Variants in RNF135 observed in about 807,000 individuals in gnomAD.
RNF135 encodes the protein E3 ubiquitin-protein ligase RNF135.
Under a neutral mutation model 41.9 loss-of-function variants are expected in RNF135, and 46 were observed. The observed-to-expected ratio is 1.10, with a 90% CI of 0.87 to 1.40. The LOEUF is 1.40. RNF135 is among the 40% of genes most tolerant of loss of function. RNF135 has a pLI of 0.00. For synonymous variants in RNF135, 238 were observed against 223.8 expected (o/e 1.06, Z -0.57); for missense variants, 539 against 549.8 (o/e 0.98, Z 0.20).
chr17:30,960,003 G>T, the RNF135 span, among the ~76,000 whole-genome samples: 3 of 146,096 alleles, frequency 2.1e-5, no homozygotes, highest in African/African-American at 7.6e-5. Context: ...AAAAAAAAAA[G>T]AAAAAGAAAA....
chr17:30,971,687 A>G lies in RNF135; in HGVS notation c.372+242A>G, dbSNP rs1055372230. 3.8e-6 allele frequency: 5 copies of G among 1,331,502 alleles called. No individual in the cohort carries two copies. In the African/African-American group the frequency reaches 6.2e-5, roughly 17 times the overall value. 82.5% of individuals were successfully genotyped at this position (1,331,502 alleles called of 1,614,324 possible). On this transcript the variant is annotated intron_variant, in intron 1 of 4. Transcript: ENST00000328381. ...CAACTTAGCTGTTACACAGCTTGGC[A>G]TATTTCAACTTCTTCCCAATCGATC...
upstream of RNF135, among the ~76,000 whole-genome samples, chr17:30,966,029 T>C (rs78109840): frequency 8.9e-4 from 136 of 152,358 alleles, 1 homozygote; most frequent in African/African-American, 3.0e-3. Flanking sequence ...TAAGGGATTA[T>C]AGAAATTGTG....
chr17:30,970,906 T>C (rs781391073), upstream of RNF135: 1 of 961,566 alleles, frequency 1.0e-6, no homozygotes, highest in Non-Finnish European at 1.5e-6. Flanking sequence ...AGGCTCTAAG[T>C]CTGTTTTCAG....
chr17:30,965,177 T>C, the RNF135 span: 1 of 151,958 alleles, frequency 6.6e-6, no homozygotes, highest in Non-Finnish European at 1.5e-5. Flanking sequence ...CGGTAAAACC[T>C]GGCCTCTATA....
At chr17:30,966,579 C>T (rs1421176370), upstream of RNF135, among the ~76,000 whole-genome samples, 1 of 151,242 alleles carries the variant, frequency 6.6e-6, no homozygotes, top group Non-Finnish European at 1.5e-5. Context: ...ACTGCAGGCT[C>T]TGCCTCCCAG....
At chr17:30,976,382 C>T (rs1034126261) in intron 1 of RNF135, among the ~76,000 whole-genome samples, 1 of 152,140 alleles carries the variant, frequency 6.6e-6, no homozygotes, top group Non-Finnish European at 1.5e-5. Context: ...TGTGACCTAT[C>T]CTTGAGAATG....
chr17:30,971,472 C>T, intron 1 of RNF135, 27 bp downstream of exon 1: 1 of 1,476,284 alleles, frequency 6.8e-7, no homozygotes, highest in Non-Finnish European at 8.9e-7. Flanking sequence ...CGCAGCTCCC[C>T]TGGCTCCCCC....
the RNF135 span, among the ~76,000 whole-genome samples, chr17:30,962,997 C>T: frequency 2.0e-3 from 301 of 151,370 alleles, no homozygotes; most frequent in Non-Finnish European, 3.5e-3. Flanking sequence ...GGTTCTAATA[C>T]GCATTTCCCT....
At chr17:30,979,963 G>A (rs1325891994) in intron 1 of RNF135, among the ~76,000 whole-genome samples, 6 of 107,352 alleles carry the variant, frequency 5.6e-5, no homozygotes, top group African/African-American at 1.2e-4. Context: ...CCTCCCGGAC[G>A]GGGCGGCTGG....
chr17:30,999,069 G>A lies in RNF135; in HGVS notation c.1177G>A (p.Asp393Asn). The A allele has an allele frequency of 6.2e-7, 1 of 1,614,168 alleles. No homozygotes were observed. The part of the protein sequence containing the change: ...EEGKLAFYSV[D>N]NQEKLLYECT... ...GGGAAAGCTTGCCTTCTATTCAGTG[G>A]ACAATCAGGAGAAGCTTCTGTATGA... is the stretch of plus-strand genomic sequence containing the variant. The change falls in exon 5 of 5, where the codon GAC (aspartate) becomes AAC (asparagine). Residue 393 changes from aspartate to asparagine, a missense_variant. By Grantham distance (23) the Asp-to-Asn change is conservative. Coordinates refer to ENST00000328381, the MANE Select transcript of RNF135 (RefSeq NM_032322.4).
In RNF135 at chr17:30,992,608, G is replaced by A. The variant is rs906093816; in HGVS notation, c.679+4502G>A. On this transcript the variant is annotated intron_variant, in intron 3 of 4. Transcript: ENST00000328381. ...AGCCTCCTGAGTAGCTGGGACTGCA[G>A]GTGCGTGTCACCGCACCTGGCTAAT... Among the ~76,000 whole-genome samples the A allele has an allele frequency of 1.4e-4, 22 of 152,010 alleles. No homozygotes were observed. In the East Asian group the frequency reaches 4.3e-3, roughly 30 times the overall value.
intron 2 of RNF135, among the ~76,000 whole-genome samples, chr17:30,987,014 G>A (rs540798518): frequency 4.6e-5 from 7 of 152,092 alleles, no homozygotes; most frequent in Non-Finnish European, 8.8e-5. Context: ...TTTGATTGGT[G>A]GAAAGAATGG....
intron 1 of RNF135, chr17:30,975,423 A>G (rs1262987595): frequency 3.9e-6 from 3 of 771,278 alleles, no homozygotes; most frequent in South Asian, 1.3e-5. Context: ...GGCAAGGACC[A>G]GATGCATTCA....
chr17:30,971,525 C>A, intron 1 of RNF135, 80 bp downstream of exon 1: 1 of 1,395,396 alleles, frequency 7.2e-7, no homozygotes, highest in Non-Finnish European at 9.2e-7. Context: ...GCTCGAACCC[C>A]TTTCCTCAGC....
In RNF135 at chr17:30,987,978, C is replaced by G; in HGVS notation, c.551C>G (p.Ser184Cys). ...TCTGGGGTGGATCTTTCCATGGCTT[C>G]TCCAAAGCTGGTGACTTCCGACACA... The part of the protein sequence containing the change: ...FSSGVDLSMA[S>C]PKLVTSDTAA... The change falls in exon 3 of 5, where the codon TCT becomes TGT. Residue 184 changes from serine to cysteine, a missense_variant. Ser to Cys is a moderately radical substitution (Grantham distance 112). Around this residue, in one of 2 missense-constraint regions of RNF135, gnomAD observed 262 missense variants for 336.9 expected, o/e 0.78. Transcript: ENST00000328381. 1.2e-6 allele frequency: 2 copies of G among 1,614,158 alleles called. No homozygotes were observed. Among genetic ancestry groups the G allele is most frequent in the Non-Finnish European group, 1.7e-6 (2 of 1,180,028 alleles).
upstream of RNF135, among the ~76,000 whole-genome samples, chr17:30,968,049 C>T (rs549377800): frequency 2.0e-5 from 3 of 152,024 alleles, no homozygotes; most frequent in Non-Finnish European, 4.4e-5. Context: ...GTGGGCGGAT[C>T]ACCTGAGGTC....
At position 30,999,415 on chromosome 17, in the gene RNF135, A is replaced by G. The variant is rs1208523454; in HGVS notation, c.*224A>G. On this transcript the variant is annotated 3_prime_UTR_variant, in exon 5 of 5. Coordinates refer to ENST00000328381, the MANE Select transcript of RNF135 (RefSeq NM_032322.4). ...AGGTGTGAGCCACCACACCTGGCCA[A>G]GAATACCACTTTTGAAGTTAATCCT... The G allele has an allele frequency of 5.3e-6, 3 of 564,814 alleles. No homozygotes were observed. Among genetic ancestry groups the G allele is most frequent in the Non-Finnish European group, 6.3e-6 (2 of 315,120 alleles). The allele number at this position is 564,814 out of a possible 1,614,324, so 35.0% of individuals were successfully genotyped here.
intron 3 of RNF135, among the ~76,000 whole-genome samples, chr17:30,993,145 C>T (rs1357683408): frequency 2.0e-5 from 3 of 151,354 alleles, no homozygotes; most frequent in Non-Finnish European, 4.4e-5. Context: ...ACCACAACCT[C>T]CGCCTCCCGG....
chr17:30,996,494 T>A (rs958287887), intron 3 of RNF135, among the ~76,000 whole-genome samples: 2 of 152,182 alleles, frequency 1.3e-5, no homozygotes, highest in Non-Finnish European at 2.9e-5. Context: ...CAGTTCCGAG[T>A]TGAATTTTGA....
Sources: gnomAD v4.1 joint callset for allele counts (sites outside exome capture counted in the v4.1 genomes callset) on GRCh38, gnomAD v4.1.1 for gene constraint, gnomAD v4.1.1 regional missense constraint, MANE v1.5 for transcripts, NCBI Gene and HGNC (gene_info 2026-07-23, HGNC 2026-07-21) for gene names.